TNRC18: variants seen among roughly 807,000 people sequenced by gnomAD.
TNRC18 encodes trinucleotide repeat-containing gene 18 protein.
In TNRC18, 69 loss-of-function variants were observed where a neutral mutation model predicts 226.7. The observed-to-expected ratio is 0.30, with a 90% CI of 0.25 to 0.37. The LOEUF is 0.37. Among genes scored for constraint, TNRC18 ranks in the 10% least tolerant of loss-of-function variants. The pLI, the probability that TNRC18 is intolerant of heterozygous loss-of-function variation, is 1.00. For synonymous variants in TNRC18, 2,449 were observed against 1,927.6 expected (o/e 1.27, Z -7.09); for missense variants, 4,754 against 4,256.6 (o/e 1.12, Z -3.25).
At chr7:5,330,121 G>A (rs890932863) in intron 19 of TNRC18, among the ~76,000 whole-genome samples, 9 of 152,074 alleles carry the variant, frequency 5.9e-5, no homozygotes, top group Non-Finnish European at 1.2e-4. Flanking sequence ...TAGTAGAAAC[G>A]GAGTTTCACC....
In TNRC18 at chr7:5,387,811, G is replaced by A. The variant is rs750025184; in HGVS notation, c.2013C>T (p.Ala671=). The change falls in exon 5 of 30, where the codon GCC becomes GCT. Residue 671 remains alanine, a synonymous_variant. Transcript: ENST00000430969. ...GGTGTCGCACTTCTGCCTCACCCTG[G>A]GCACCAGAGCCCTCGCGCCCGAAAG... ...AKAFGREGSG[A]QGEAEVRHPP... 2 of 1,607,476 alleles carry A rather than the reference G, an allele frequency of 1.2e-6. No homozygotes were observed. The highest frequency in any genetic ancestry group is 2.2e-5 in the East Asian group (1 of 44,862).
chr7:5,379,826 T>TC (rs1779274518), intron 5 of TNRC18, among the ~76,000 whole-genome samples: 1 of 152,218 alleles, frequency 6.6e-6, no homozygotes, highest in Middle Eastern at 3.4e-3. Flanking sequence ...CGGCTGATAC[T>TC]CCCCTTGGGG....
chr7:5,415,127 G>A (rs981916434), intron 2 of TNRC18, among the ~76,000 whole-genome samples: 3 of 152,074 alleles, frequency 2.0e-5, no homozygotes, highest in Non-Finnish European at 4.4e-5. Context: ...TCAGGGACCT[G>A]AAGGATCCCA....
chr7:5,394,938 T>A lies in TNRC18; in HGVS notation c.188-343A>T, dbSNP rs1323727505. Among the ~76,000 whole-genome samples the A allele has an allele frequency of 5.9e-5, 9 of 152,014 alleles. No homozygotes were observed. The highest frequency in any genetic ancestry group is 1.2e-4 in the Non-Finnish European group (8 of 67,984). Reference sequence around the variant, plus strand: ...ATCCGGCCCGGCACCATTCTCCCCATCTGCAGGTGGAATCCTGAAGTCGGT... The same window carrying A: ...ATCCGGCCCGGCACCATTCTCCCCAACTGCAGGTGGAATCCTGAAGTCGGT... On this transcript the variant is annotated intron_variant, in intron 2 of 29. Coordinates refer to ENST00000430969, the MANE Select transcript of TNRC18 (RefSeq NM_001080495.3). The surrounding 1 kb of genome is among the most constrained non-coding windows in gnomAD (Gnocchi z 4.5).
Position 5,320,438 on chromosome 7 carries a change from T to C in TNRC18, c.6637-12A>G, listed in dbSNP as rs770403367. The C allele has an allele frequency of 1.9e-6, 3 of 1,562,062 alleles. No homozygotes were observed. Among genetic ancestry groups the C allele is most frequent in the East Asian group, 2.4e-5 (1 of 41,888 alleles). On this transcript the variant is annotated splice_polypyrimidine_tract_variant and intron_variant, in intron 23 of 29. Transcript: ENST00000430969. ...CTCACATCGATGATCTAGAAGGGCA[T>C]GGGATGAGTGCAAGGTGTGGACACA...
At position 5,377,312 on chromosome 7, in the gene TNRC18, A is replaced by AGCCC; in HGVS notation, c.2461+58_2461+59insGGGC. ...AGCCAGCCCTGAGCTCTTGTCCTGCACCCGCCCCCTCCCACCCCTCCCTCA... is the reference window on the plus strand; with the variant it reads ...AGCCAGCCCTGAGCTCTTGTCCTGCAGCCCCCCGCCCCCTCCCACCCCTCCCTCA... On this transcript the variant is annotated intron_variant, in intron 7 of 29. Coordinates refer to ENST00000430969, the MANE Select transcript of TNRC18 (RefSeq NM_001080495.3). This position sits in a 1 kb window ranked among gnomAD's most constrained non-coding sequence, Gnocchi z 5.8. The AGCCC allele has an allele frequency of 7.7e-7, 1 of 1,295,724 alleles. No homozygotes were observed. Among genetic ancestry groups the AGCCC allele is most frequent in the Non-Finnish European group, 1.1e-6 (1 of 951,898 alleles). The allele number at this position is 1,295,724 out of a possible 1,614,324, so 80.3% of individuals were successfully genotyped here. A position where few individuals can be genotyped will look rare whatever the true frequency, so the allele number is the denominator to read the frequency against.
chr7:5,337,591 C>CCT (rs1790259185), intron 18 of TNRC18, among the ~76,000 whole-genome samples: 1 of 151,820 alleles, frequency 6.6e-6, no homozygotes, highest in South Asian at 2.1e-4. Flanking sequence ...AATCCTCAGA[C>CCT]AAGAATGAAA....
At chr7:5,383,603 G>T (rs1779549004) in intron 5 of TNRC18, among the ~76,000 whole-genome samples, 1 of 152,188 alleles carries the variant, frequency 6.6e-6, no homozygotes, top group Non-Finnish European at 1.5e-5. Flanking sequence ...AGACTGGGGC[G>T]AGAACCCAGG....
In TNRC18 at chr7:5,309,755, C is replaced by G. The variant is rs1190404047; in HGVS notation, c.8389-387G>C. Among the ~76,000 whole-genome samples, 2 of 152,198 alleles carry G rather than the reference C, an allele frequency of 1.3e-5. No individual in the cohort carries two copies. Among genetic ancestry groups the G allele is most frequent in the Non-Finnish European group, 2.9e-5 (2 of 68,052 alleles). On this transcript the variant is annotated intron_variant, in intron 27 of 29. Transcript: ENST00000430969. This position sits in a 1 kb window ranked among gnomAD's most constrained non-coding sequence, Gnocchi z 5.7. Reference sequence around the variant, plus strand: ...AGGAGCTGAGAATACAGGCGCACACCACGCCCGGCTAATTTTGATTATTTT... The same window carrying G: ...AGGAGCTGAGAATACAGGCGCACACGACGCCCGGCTAATTTTGATTATTTT...
At chr7:5,417,261 A>G (rs548376736) in intron 2 of TNRC18, among the ~76,000 whole-genome samples, 2 of 152,308 alleles carry the variant, frequency 1.3e-5, no homozygotes, top group African/African-American at 4.8e-5. Context: ...TGAGCCCAGG[A>G]GTTCAACACC....
chr7:5,411,203 G>C (rs930799313), intron 2 of TNRC18, among the ~76,000 whole-genome samples: 2 of 132,878 alleles, frequency 1.5e-5, no homozygotes, highest in Non-Finnish European at 3.1e-5. Context: ...GCTACAGAGT[G>C]AGACTCCATC....
intron 2 of TNRC18, among the ~76,000 whole-genome samples, chr7:5,399,074 C>T (rs950348865): frequency 5.9e-5 from 9 of 152,192 alleles, no homozygotes; most frequent in Admixed American, 6.5e-5. Flanking sequence ...GCCTGGTCTC[C>T]TTCCATCTCT....
intron 2 of TNRC18, among the ~76,000 whole-genome samples, chr7:5,415,202 C>A (rs915508231): frequency 1.3e-5 from 2 of 151,978 alleles, no homozygotes; most frequent in African/African-American, 4.8e-5. Context: ...CAGGCTCTGA[C>A]TTTTGTGTTC....
intron 19 of TNRC18, among the ~76,000 whole-genome samples, chr7:5,329,742 G>T (rs1789317019): frequency 8.1e-6 from 1 of 122,722 alleles, no homozygotes; most frequent in South Asian, 3.0e-4. Context: ...AGCAGGGAAT[G>T]ATCAATAGAG....
chr7:5,320,640 G>C (rs765192983), intron 22 of TNRC18, 33 bp from the exon 23 acceptor site: 49 of 1,596,436 alleles, frequency 3.1e-5, no homozygotes, highest in Non-Finnish European at 4.1e-5. Context: ...AGGTGGCAGA[G>C]GCCGAGACCT....
chr7:5,403,436 A>G (rs62443194), intron 2 of TNRC18, among the ~76,000 whole-genome samples: 49,497 of 151,950 alleles, frequency 0.33, 8,241 homozygotes, highest in South Asian at 0.34. Flanking sequence ...TTGGGATTAC[A>G]GGCGTGAGCC....
chr7:5,319,299 G>A (rs1475147913), intron 24 of TNRC18, among the ~76,000 whole-genome samples: 1 of 152,170 alleles, frequency 6.6e-6, no homozygotes, highest in Non-Finnish European at 1.5e-5. Flanking sequence ...ATGAATGGAT[G>A]GTAGGCCAAG....
chr7:5,418,936 AG>A (rs534041200), intron 2 of TNRC18, among the ~76,000 whole-genome samples: 1 of 152,034 alleles, frequency 6.6e-6, no homozygotes, highest in East Asian at 1.9e-4. Flanking sequence ...GAAGTGGGGG[AG>A]GGGGACAGCC....
chr7:5,386,891 T>G (rs1352738926), intron 5 of TNRC18, among the ~76,000 whole-genome samples: 1 of 151,998 alleles, frequency 6.6e-6, no homozygotes, highest in Non-Finnish European at 1.5e-5. Context: ...CCTGACCAAC[T>G]TGGAGAAACC....
Sources: gnomAD v4.1 joint callset for allele counts (sites outside exome capture counted in the v4.1 genomes callset) on GRCh38, gnomAD v4.1.1 for gene constraint, Gnocchi (gnomAD v3.1) non-coding constraint, MANE v1.5 for transcripts, NCBI Gene and HGNC (gene_info 2026-07-23, HGNC 2026-07-21) for gene names.